PCAT7: variants seen among roughly 807,000 people sequenced by gnomAD.
PCAT7 encodes prostate cancer associated transcript 7 (non-protein coding).
chr9:94,563,523 C>A, intron 2 of PCAT7: 1 of 1,575,268 alleles, frequency 6.3e-7, no homozygotes, highest in South Asian at 1.2e-5. Context: ...AGCACCTGCT[C>A]GTGGTCACAA....
intron 2 of PCAT7, chr9:94,571,663 A>T: frequency 6.7e-7 from 1 of 1,487,168 alleles, no homozygotes; most frequent in Admixed American, 2.0e-5. Context: ...ACACTTTGCC[A>T]GGGGCCTGGG....
At chr9:94,570,481 A>G (rs955304848) in intron 2 of PCAT7, 1 of 152,132 alleles carries the variant, frequency 6.6e-6, no homozygotes, top group African/African-American at 2.4e-5. Context: ...ATAGATGTAA[A>G]TTTCATAGGA....
At chr9:94,571,715 GA>G in intron 2 of PCAT7, 1 of 980,280 alleles carries the variant, frequency 1.0e-6, no homozygotes, top group Non-Finnish European at 1.5e-6. Context: ...GCGGTTCTTT[GA>G]ATTTTAAGCT....
intron 2 of PCAT7, among the ~76,000 whole-genome samples, chr9:94,564,969 G>A (rs1056064570): frequency 6.6e-6 from 1 of 152,120 alleles, no homozygotes; most frequent in African/African-American, 2.4e-5. Context: ...AATAATAAAT[G>A]TCTGAGATGA....
intron 3 of PCAT7, among the ~76,000 whole-genome samples, chr9:94,573,516 GTTTC>G (rs1827289279): frequency 8.9e-6 from 1 of 112,172 alleles, no homozygotes; most frequent in South Asian, 3.1e-4. Context: ...ACCTCAGCAA[GTTTC>G]TTTTTTAAAT....
chr9:94,560,539 C>T (rs1036469766), intron 2 of PCAT7, among the ~76,000 whole-genome samples: 11 of 152,058 alleles, frequency 7.2e-5, no homozygotes, highest in Non-Finnish European at 1.5e-4. Flanking sequence ...TGTAACTTCC[C>T]AAAAGTTCAT....
At chr9:94,569,254 G>T (rs501380) in intron 2 of PCAT7, 73,931 of 152,054 alleles carry the variant, frequency 0.49, 18,590 homozygotes, top group African/African-American at 0.61. Context: ...AGCACTGGGG[G>T]TGGTGTCCAG....
At chr9:94,559,429 G>A (rs1248942863) in intron 2 of PCAT7, among the ~76,000 whole-genome samples, 1 of 152,146 alleles carries the variant, frequency 6.6e-6, no homozygotes, top group South Asian at 2.1e-4. Flanking sequence ...GGAAATATGA[G>A]ATCTAGGCAT....
intron 1 of PCAT7, among the ~76,000 whole-genome samples, chr9:94,556,668 C>T (rs1326814241): frequency 6.6e-6 from 1 of 152,156 alleles, no homozygotes; most frequent in Non-Finnish European, 1.5e-5. Context: ...CTGATTGCTT[C>T]CTCTGCTTTG....
chr9:94,559,042 C>G (rs763789175), exon 2 of PCAT7: 43 of 1,614,010 alleles, frequency 2.7e-5, no homozygotes, highest in Non-Finnish European at 3.6e-5. Flanking sequence ...TCGGGCTTCA[C>G]GTCCAGTACA....
intron 3 of PCAT7, among the ~76,000 whole-genome samples, chr9:94,573,485 C>T (rs1200907115): frequency 6.6e-6 from 1 of 151,728 alleles, no homozygotes; most frequent in South Asian, 2.1e-4. Flanking sequence ...TCTCAAACTC[C>T]TGGCCTCAAG....
chr9:94,566,590 T>C (rs1351490647), intron 2 of PCAT7, among the ~76,000 whole-genome samples: 2 of 152,362 alleles, frequency 1.3e-5, no homozygotes, highest in East Asian at 3.9e-4. Context: ...CTCTGAAGGC[T>C]GTGATTTCCC....
At chr9:94,558,810 C>T in intron 1 of PCAT7, 1 of 842,124 alleles carries the variant, frequency 1.2e-6, no homozygotes, top group Non-Finnish European at 1.9e-6. Context: ...TTTGTTGTTG[C>T]TCTTCTGTAT....
chr9:94,555,135 T>C (rs1423079646), exon 1 of PCAT7: 1 of 152,206 alleles, frequency 6.6e-6, no homozygotes, highest in Non-Finnish European at 1.5e-5. Context: ...GTTGTTTTTT[T>C]TGTTTTTGTT....
intron 2 of PCAT7, among the ~76,000 whole-genome samples, chr9:94,564,624 C>A (rs571953239): frequency 6.6e-6 from 1 of 152,092 alleles, no homozygotes; most frequent in East Asian, 1.9e-4. Flanking sequence ...AACACATGGA[C>A]ACAAAGAGGG....
chr9:94,558,887 C>A, intron 1 of PCAT7: 1 of 1,543,570 alleles, frequency 6.5e-7, no homozygotes. Flanking sequence ...CATTTAGGGT[C>A]CTTAGACAAG....
At chr9:94,556,608 C>T (rs546912871) in intron 1 of PCAT7, among the ~76,000 whole-genome samples, 61 of 152,256 alleles carry the variant, frequency 4.0e-4, no homozygotes, top group African/African-American at 1.4e-3. Flanking sequence ...TTGCCTGATG[C>T]ATAGTTTGCA....
chr9:94,561,135 G>A (rs1380451639), intron 2 of PCAT7, among the ~76,000 whole-genome samples: 1 of 152,176 alleles, frequency 6.6e-6, no homozygotes, highest in Non-Finnish European at 1.5e-5. Context: ...TGGGGGATTT[G>A]GGGTATCAGA....
upstream of PCAT7, among the ~76,000 whole-genome samples, chr9:94,554,902 C>T (rs111342757): frequency 0.081 from 12,277 of 152,128 alleles, 559 homozygotes; most frequent in South Asian, 0.17. Flanking sequence ...CGCGCCGCTG[C>T]CTCAGCATGC....
Sources: gnomAD v4.1 joint callset for allele counts (sites outside exome capture counted in the v4.1 genomes callset) on GRCh38, gnomAD v4.1.1 for gene constraint, MANE v1.5 for transcripts, NCBI Gene and HGNC (gene_info 2026-07-23, HGNC 2026-07-21) for gene names.